NFKB1: variants seen among roughly 807,000 people sequenced by gnomAD.
NFKB1 encodes the protein nuclear factor NF-kappa-B p105 subunit.
In NFKB1, 9 loss-of-function variants were observed where a neutral mutation model predicts 105.1. The ratio of observed to expected loss-of-function variants is 0.09; its 90% CI spans 0.05 to 0.15. The LOEUF (loss-of-function observed/expected upper bound fraction) is 0.15. NFKB1 is among the 10% of genes least tolerant of loss of function. The pLI is 1.00. For synonymous variants in NFKB1, 440 were observed against 442.2 expected (o/e 1.00, Z 0.06); for missense variants, 830 against 1,203.7 (o/e 0.69, Z 4.59).
chr4:102,610,607 C>T lies in NFKB1; in HGVS notation c.2260C>T (p.Leu754Phe). ...TCCCCTGGTGGAGAACTTTGAGCCT[C>T]TCTATGACCTGGATGACTCTTGGGA... ...ADPLVENFEPLYDLDDSWENA... is the reference protein window; with the variant it reads ...ADPLVENFEPFYDLDDSWENA... The change falls in exon 20 of 24, where the codon CTC (leucine) becomes TTC (phenylalanine). Residue 754 changes from leucine to phenylalanine, a missense_variant. By Grantham distance (22) the Leu-to-Phe change is conservative. Transcript: ENST00000226574. 4 of 1,614,036 alleles carry T rather than the reference C, an allele frequency of 2.5e-6. No homozygotes were observed. The highest frequency in any genetic ancestry group is 3.4e-6 in the Non-Finnish European group (4 of 1,179,954).
intron 5 of NFKB1, among the ~76,000 whole-genome samples, chr4:102,553,679 T>C (rs1722786609): frequency 6.6e-6 from 1 of 152,210 alleles, no homozygotes; most frequent in Non-Finnish European, 1.5e-5. Context: ...ACTTATGTAA[T>C]TGAAGCATTT....
intron 11 of NFKB1, among the ~76,000 whole-genome samples, chr4:102,592,082 C>T (rs1726226355): frequency 6.6e-6 from 1 of 152,124 alleles, no homozygotes; most frequent in Admixed American, 6.6e-5. Context: ...AGAAGTAGAG[C>T]CTGAAGATGA....
chr4:102,611,992 C>G, intron 20 of NFKB1, 52 bp from the exon 21 acceptor site: 1 of 1,433,680 alleles, frequency 7.0e-7, no homozygotes, highest in South Asian at 1.2e-5. Context: ...AACAGACTGC[C>G]CTAGTGGTCC....
intron 6 of NFKB1, among the ~76,000 whole-genome samples, chr4:102,571,200 C>G (rs1578776946): frequency 6.6e-6 from 1 of 152,298 alleles, no homozygotes; most frequent in South Asian, 2.1e-4. Flanking sequence ...ACTATCTGAT[C>G]TTTGACAAAC....
At chr4:102,552,785 G>A (rs761978788) in intron 5 of NFKB1, among the ~76,000 whole-genome samples, 1 of 151,994 alleles carries the variant, frequency 6.6e-6, no homozygotes, top group Non-Finnish European at 1.5e-5. Context: ...TTTTTTTGCA[G>A]GTTTAAAGTA....
chr4:102,511,801 G>A (rs1283379206), intron 1 of NFKB1, among the ~76,000 whole-genome samples: 3 of 152,218 alleles, frequency 2.0e-5, no homozygotes, highest in South Asian at 2.1e-4. Context: ...ATCTCAAGGT[G>A]AACACGTTTA....
At chr4:102,515,276 A>G (rs1740090933) in intron 1 of NFKB1, among the ~76,000 whole-genome samples, 1 of 148,968 alleles carries the variant, frequency 6.7e-6, no homozygotes, top group Non-Finnish European at 1.5e-5. Flanking sequence ...ACGCCCGGCT[A>G]ATTTTTTGTA....
intron 6 of NFKB1, among the ~76,000 whole-genome samples, chr4:102,572,473 T>C (rs542853281): frequency 1.3e-5 from 2 of 152,216 alleles, no homozygotes; most frequent in East Asian, 3.9e-4. Context: ...ACTTAAAGTA[T>C]AATAAAAAAT....
intron 23 of NFKB1, among the ~76,000 whole-genome samples, chr4:102,614,409 T>G (rs1251982472): frequency 1.3e-5 from 2 of 152,188 alleles, no homozygotes; most frequent in Non-Finnish European, 2.9e-5. Flanking sequence ...AGCAAGCATT[T>G]CATGATTTCC....
chr4:102,544,342 A>G (rs1224663114), intron 5 of NFKB1, among the ~76,000 whole-genome samples: 1 of 152,180 alleles, frequency 6.6e-6, no homozygotes, highest in Non-Finnish European at 1.5e-5. Flanking sequence ...TGCTCAACAC[A>G]TAGCCCAGAA....
chr4:102,586,747 G>C (rs1303822885), intron 11 of NFKB1, among the ~76,000 whole-genome samples: 1 of 152,212 alleles, frequency 6.6e-6, no homozygotes, highest in African/African-American at 2.4e-5. Flanking sequence ...TTGGAGGGAA[G>C]TGAGACTGGG....
At chr4:102,567,245 A>C in intron 6 of NFKB1, 110 bp downstream of exon 6, 1 of 1,155,386 alleles carries the variant, frequency 8.7e-7, no homozygotes, top group South Asian at 1.5e-5. Flanking sequence ...AGACCCTCAG[A>C]TGACCTCAAA....
At chr4:102,592,782 T>C (rs10031217) in intron 11 of NFKB1, among the ~76,000 whole-genome samples, 8,615 of 150,174 alleles carry the variant, frequency 0.057, 274 homozygotes, top group African/African-American at 0.093. Flanking sequence ...CCTGTGTACA[T>C]CTTCTTTTTC....
chr4:102,580,488 G>A (rs750646076), intron 8 of NFKB1, 47 bp from the exon 9 acceptor site: 2 of 1,523,348 alleles, frequency 1.3e-6, no homozygotes, highest in Non-Finnish European at 1.8e-6. Context: ...CTGGCTTGTT[G>A]AGCTGAGGAT....
At chr4:102,612,331 G>C in intron 21 of NFKB1, 103 bp from the exon 22 acceptor site, 1 of 1,235,834 alleles carries the variant, frequency 8.1e-7, no homozygotes, top group Non-Finnish European at 1.1e-6. Flanking sequence ...TAGCTTGGTT[G>C]GTTCCACTGG....
intron 5 of NFKB1, among the ~76,000 whole-genome samples, chr4:102,540,537 T>C (rs1466445226): frequency 2.1e-5 from 3 of 145,764 alleles, no homozygotes; most frequent in African/African-American, 7.9e-5. Flanking sequence ...CACCAAATCA[T>C]TTATTTTTTA....
chr4:102,564,566 G>A (rs903273188), intron 5 of NFKB1, among the ~76,000 whole-genome samples: 2 of 152,232 alleles, frequency 1.3e-5, no homozygotes, highest in African/African-American at 4.8e-5. Context: ...CTGGCAGCAT[G>A]TTCAGCTCCT....
Position 102,616,293 on chromosome 4 carries a change from TGAG to T in NFKB1, c.2750-140_2750-138del. ...GTATCTTCTGCCCTTCCCACCACGG[TGAG>T]CAGTCATGACAGTGAGGGTGGCATA... On this transcript the variant is annotated intron_variant, in intron 23 of 23. Coordinates refer to ENST00000226574, the MANE Select transcript of NFKB1 (RefSeq NM_003998.4). 4 of 813,908 alleles carry T rather than the reference TGAG, an allele frequency of 4.9e-6. No individual in the cohort carries two copies. The South Asian group carries it at 7.0e-5, about 14-fold the overall frequency. 50.4% of individuals were successfully genotyped at this position (813,908 alleles called of 1,614,324 possible).
chr4:102,527,255 G>A (rs533903711), intron 2 of NFKB1, among the ~76,000 whole-genome samples: 2 of 152,318 alleles, frequency 1.3e-5, no homozygotes, highest in Admixed American at 6.5e-5. Flanking sequence ...GGATAGAAAT[G>A]TTAATAAGCA....
Sources: allele counts gnomAD v4.1 joint callset (sites outside exome capture counted in the v4.1 genomes callset), GRCh38; gene constraint gnomAD v4.1.1; transcripts MANE v1.5; gene names NCBI Gene and HGNC (gene_info 2026-07-23, HGNC 2026-07-21).